PCDH15: variants seen among roughly 807,000 people sequenced by gnomAD.
PCDH15 encodes the protein protocadherin related 15.
Under a neutral mutation model 178.5 loss-of-function variants are expected in PCDH15, and 129 were observed. That is an observed-to-expected ratio of 0.72 (90% CI 0.63 to 0.84). The LOEUF is 0.84. PCDH15 is among the 40% of genes least tolerant of loss of function. The pLI is 0.00. For synonymous variants in PCDH15, 800 were observed against 732.0 expected, an observed-to-expected ratio of 1.09 and a Z score of -1.50; for missense variants, 2,230 against 2,099.9, an observed-to-expected ratio of 1.06 and a Z score of -1.21.
chr10:55,360,498 T>C (rs183491234), intron 2 of PCDH15, among the ~76,000 whole-genome samples: 45 of 151,942 alleles, frequency 3.0e-4, no homozygotes, highest in Admixed American at 1.2e-3. Flanking sequence ...AGGAAACATA[T>C]GTAACAACAA....
At chr10:54,562,091 A>G (rs1432190828) in intron 2 of PCDH15, among the ~76,000 whole-genome samples, 1 of 149,540 alleles carries the variant, frequency 6.7e-6, no homozygotes, top group Admixed American at 6.8e-5. Context: ...CCCAAGTTCA[A>G]GGGATTCTCC....
intron 1 of PCDH15, among the ~76,000 whole-genome samples, chr10:54,720,093 G>A (rs1941330657): frequency 1.3e-5 from 2 of 152,064 alleles, no homozygotes; most frequent in Admixed American, 1.3e-4. Context: ...TACACTCTTG[G>A]TGGGTATGTA....
intron 3 of PCDH15, among the ~76,000 whole-genome samples, chr10:54,827,062 A>G (rs995857874): frequency 2.0e-5 from 3 of 152,128 alleles, no homozygotes; most frequent in Non-Finnish European, 4.4e-5. Flanking sequence ...TTCCAAGTGC[A>G]CATATGGGAA....
chr10:54,662,015 C>G (rs1001796946), intron 2 of PCDH15, among the ~76,000 whole-genome samples: 2 of 151,674 alleles, frequency 1.3e-5, no homozygotes, highest in African/African-American at 4.8e-5. Context: ...TAAATAATAC[C>G]TCAAAAGCAA....
At chr10:55,170,416 TATG>T (rs1157129454) in intron 1 of PCDH15, among the ~76,000 whole-genome samples, 1 of 152,130 alleles carries the variant, frequency 6.6e-6, no homozygotes, top group Non-Finnish European at 1.5e-5. Flanking sequence ...CCCAAAGTGC[TATG>T]ATTACAGGAA....
intron 1 of PCDH15, among the ~76,000 whole-genome samples, chr10:55,271,225 C>T (rs755788605): frequency 4.6e-5 from 7 of 151,832 alleles, no homozygotes; most frequent in Non-Finnish European, 1.0e-4. Flanking sequence ...TGCAACAAAC[C>T]TACCCATGAA....
At chr10:55,406,193 A>G (rs1838193942) in intron 2 of PCDH15, among the ~76,000 whole-genome samples, 3 of 152,046 alleles carry the variant, frequency 2.0e-5, no homozygotes, top group Admixed American at 1.3e-4. Context: ...AAAAAAGCAT[A>G]CGATCCTGTA....
At chr10:54,329,565 A>G (rs1201667029) in intron 7 of PCDH15, 31 bp downstream of exon 7, 1 of 1,471,594 alleles carries the variant, frequency 6.8e-7, no homozygotes, top group Non-Finnish European at 9.5e-7. Context: ...ATAAATTCAC[A>G]GAAGAAATTT....
chr10:54,296,144 C>CAAAAAAAAAAAAAAAAAA (rs59721161), intron 8 of PCDH15, among the ~76,000 whole-genome samples: 5 of 48,222 alleles, frequency 1.0e-4, no homozygotes, highest in African/African-American at 3.2e-4. Flanking sequence ...GACTCCGTCT[C>CAAAAAAAAAAAAAAAAAA]AAAAAAAAAA....
At chr10:54,027,525 A>C (rs2093143921) in intron 18 of PCDH15, among the ~76,000 whole-genome samples, 1 of 150,640 alleles carries the variant, frequency 6.6e-6, no homozygotes. Context: ...GCATCACACT[A>C]CCTGACTTCA....
At chr10:54,633,695 C>T (rs950779567) in intron 2 of PCDH15, among the ~76,000 whole-genome samples, 1 of 152,052 alleles carries the variant, frequency 6.6e-6, no homozygotes, top group African/African-American at 2.4e-5. Context: ...CACTGGCTCA[C>T]TGAGGGAAAT....
intron 12 of PCDH15, among the ~76,000 whole-genome samples, chr10:54,184,690 T>C (rs1254846269): frequency 2.6e-5 from 4 of 151,926 alleles, no homozygotes; most frequent in Admixed American, 2.0e-4. Context: ...CCCTTCACAA[T>C]TGTGACAAAC....
At chr10:55,330,748 G>T (rs1411970537) in intron 2 of PCDH15, among the ~76,000 whole-genome samples, 5 of 151,688 alleles carry the variant, frequency 3.3e-5, no homozygotes, top group Admixed American at 2.0e-4. Flanking sequence ...TTAGCTTTTT[G>T]ATCCTGATGA....
chr10:55,588,930 A>T (rs1842780725), intron 2 of PCDH15, among the ~76,000 whole-genome samples: 2 of 151,904 alleles, frequency 1.3e-5, no homozygotes, highest in Admixed American at 6.6e-5. Flanking sequence ...AAAAATACAA[A>T]ATTAGCCTGG....
chr10:54,088,015 C>T (rs2094542351), intron 16 of PCDH15, among the ~76,000 whole-genome samples: 1 of 152,118 alleles, frequency 6.6e-6, no homozygotes, highest in African/African-American at 2.4e-5. Context: ...GAGGCTTCCC[C>T]AGAAGCAGAG....
At chr10:53,863,128 C>G (rs535859234) in intron 27 of PCDH15, among the ~76,000 whole-genome samples, 1 of 152,228 alleles carries the variant, frequency 6.6e-6, no homozygotes, top group South Asian at 2.1e-4. Context: ...ATATGCAAAT[C>G]TGGTGTTCAG....
intron 1 of PCDH15, among the ~76,000 whole-genome samples, chr10:55,310,952 A>G (rs140060702): frequency 6.6e-6 from 1 of 152,346 alleles, no homozygotes; most frequent in African/African-American, 2.4e-5. Flanking sequence ...GCAGAAAATC[A>G]CCATGGCATG....
chr10:54,460,825 T>C (rs561112345), intron 3 of PCDH15, among the ~76,000 whole-genome samples: 1 of 152,204 alleles, frequency 6.6e-6, no homozygotes, highest in African/African-American at 2.4e-5. Context: ...GAGTTTGAAG[T>C]GCACTTGAGG....
chr10:53,808,354 GCC>G, intron 37 of PCDH15: 1 of 624,394 alleles, frequency 1.6e-6, no homozygotes, highest in Non-Finnish European at 2.0e-6. Flanking sequence ...ATATATATAT[GCC>G]ATCCATTCCA....
Sources: gnomAD v4.1 joint callset for allele counts (sites outside exome capture counted in the v4.1 genomes callset) on GRCh38, gnomAD v4.1.1 for gene constraint, MANE v1.5 for transcripts, NCBI Gene and HGNC (gene_info 2026-07-23, HGNC 2026-07-21) for gene names.